Variants in HFM1 observed in about 807,000 individuals in gnomAD.
HFM1 encodes the protein helicase for meiosis 1.
In HFM1, 169 loss-of-function variants were observed where a neutral mutation model predicts 192.1. The ratio of observed to expected loss-of-function variants is 0.88; its 90% confidence interval spans 0.78 to 1.00. HFM1 has a LOEUF of 1.00. Among genes scored for constraint, HFM1 ranks in the 50% least tolerant of loss-of-function variants. The pLI is 0.00. For synonymous variants in HFM1, 525 were observed against 537.8 expected (o/e 0.98, Z 0.33); for missense variants, 1,661 against 1,668.0 (o/e 1.00, Z 0.07).
chr1:91,318,560 C>G (rs1651597362), intron 25 of HFM1, among the ~76,000 whole-genome samples: 1 of 152,010 alleles, frequency 6.6e-6, no homozygotes, highest in Non-Finnish European at 1.5e-5. Context: ...TACACAAGGT[C>G]CCTATAGACA....
intron 32 of HFM1, among the ~76,000 whole-genome samples, chr1:91,276,154 G>A (rs1666786974): frequency 6.6e-6 from 1 of 152,004 alleles, no homozygotes; most frequent in Non-Finnish European, 1.5e-5. Flanking sequence ...GATCATTCTG[G>A]TGCCTGCCCC....
chr1:91,355,467 C>T (rs1410573889), intron 13 of HFM1, among the ~76,000 whole-genome samples: 1 of 151,656 alleles, frequency 6.6e-6, no homozygotes, highest in Non-Finnish European at 1.5e-5. Context: ...TACATGCTGC[C>T]TACCAGAGAT....
intron 30 of HFM1, among the ~76,000 whole-genome samples, chr1:91,283,640 T>C (rs1159733463): frequency 6.6e-6 from 1 of 152,232 alleles, no homozygotes; most frequent in Non-Finnish European, 1.5e-5. Context: ...TTTCATAGTT[T>C]TGCCACATAT....
At chr1:91,345,020 T>C (rs1438761162) in intron 19 of HFM1, among the ~76,000 whole-genome samples, 2 of 152,120 alleles carry the variant, frequency 1.3e-5, no homozygotes, top group Admixed American at 1.3e-4. Flanking sequence ...CCCAAAGGTA[T>C]TACAGGCATG....
At chr1:91,403,525 A>C (rs544754215) in intron 1 of HFM1, among the ~76,000 whole-genome samples, 1 of 152,210 alleles carries the variant, frequency 6.6e-6, no homozygotes, top group Admixed American at 6.5e-5. Context: ...GTTCAGTATG[A>C]GTTTGTGATG....
upstream of HFM1, among the ~76,000 whole-genome samples, chr1:91,405,503 T>A (rs1395649638): frequency 1.3e-5 from 2 of 152,204 alleles, no homozygotes; most frequent in African/African-American, 4.8e-5. Flanking sequence ...AACCCCCACC[T>A]GTGACATCTA....
intron 30 of HFM1, among the ~76,000 whole-genome samples, chr1:91,311,911 C>G (rs1348608232): frequency 2.0e-5 from 3 of 152,116 alleles, no homozygotes; most frequent in Non-Finnish European, 4.4e-5. Flanking sequence ...GTCCTATGTC[C>G]CAGCTGCTCC....
intron 30 of HFM1, among the ~76,000 whole-genome samples, chr1:91,291,437 A>G (rs1668740786): frequency 6.6e-6 from 1 of 152,230 alleles, no homozygotes; most frequent in African/African-American, 2.4e-5. Flanking sequence ...TACGCAAATA[A>G]ACTAGAAAAT....
At chr1:91,296,105 G>A (rs971021185) in intron 30 of HFM1, among the ~76,000 whole-genome samples, 1 of 152,044 alleles carries the variant, frequency 6.6e-6, no homozygotes, top group African/African-American at 2.4e-5. Flanking sequence ...TTTTTTAGTA[G>A]AGATGGGGTT....
At chr1:91,281,498 C>G (rs1667457317) in intron 30 of HFM1, among the ~76,000 whole-genome samples, 1 of 152,130 alleles carries the variant, frequency 6.6e-6, no homozygotes, top group African/African-American at 2.4e-5. Flanking sequence ...TTTGAACTTC[C>G]TTTCATTAAG....
chr1:91,303,057 C>G (rs931313652), intron 30 of HFM1, among the ~76,000 whole-genome samples: 1 of 152,082 alleles, frequency 6.6e-6, no homozygotes, highest in South Asian at 2.1e-4. Context: ...TTAAACTGTA[C>G]AATTCAGTGG....
At chr1:91,322,215 G>A (rs775523301) in intron 23 of HFM1, among the ~76,000 whole-genome samples, 12 of 152,170 alleles carry the variant, frequency 7.9e-5, no homozygotes, top group African/African-American at 2.2e-4. Context: ...TCTTATAGAC[G>A]TAAAGGTATT....
chr1:91,367,069 C>A (rs935111789), intron 13 of HFM1, among the ~76,000 whole-genome samples: 1 of 152,130 alleles, frequency 6.6e-6, no homozygotes, highest in South Asian at 2.1e-4. Flanking sequence ...GAGGGGCACC[C>A]GCCATTGCCG....
Position 91,382,094 on chromosome 1 carries a change from A to G in HFM1, c.803-1112T>C, listed in dbSNP as rs184816345. Among the ~76,000 whole-genome samples the G allele has an allele frequency of 6.3e-4, 96 of 152,264 alleles. 1 individual carries two copies. The highest frequency in any genetic ancestry group is 6.8e-3 in the Middle Eastern group (2 of 294). On this transcript the variant is annotated intron_variant, in intron 6 of 38. Coordinates refer to ENST00000370425, the MANE Select transcript of HFM1 (RefSeq NM_001017975.6). ...CTATACTGAACTCTGCTGTTCTTCAAAAACATCAGCTACGATCCTGCCATG... is the reference window on the plus strand; with the variant it reads ...CTATACTGAACTCTGCTGTTCTTCAGAAACATCAGCTACGATCCTGCCATG...
intron 20 of HFM1, among the ~76,000 whole-genome samples, chr1:91,333,837 A>C (rs1339040824): frequency 6.6e-6 from 1 of 152,198 alleles, no homozygotes; most frequent in African/African-American, 2.4e-5. Context: ...ATACCAAAAA[A>C]TGTAGAAGAC....
chr1:91,304,184 C>T (rs1649276999), intron 30 of HFM1, among the ~76,000 whole-genome samples: 1 of 152,004 alleles, frequency 6.6e-6, no homozygotes, highest in Non-Finnish European at 1.5e-5. Context: ...GGCTATTTGT[C>T]TTTTTACTGT....
At chr1:91,264,534 G>A (rs1478539164) in intron 36 of HFM1, among the ~76,000 whole-genome samples, 3 of 148,866 alleles carry the variant, frequency 2.0e-5, no homozygotes, top group Non-Finnish European at 4.5e-5. Flanking sequence ...CATCACGCCC[G>A]GCTAATTTTT....
chr1:91,287,098 C>T (rs1357672827), intron 30 of HFM1, among the ~76,000 whole-genome samples: 45 of 152,264 alleles, frequency 3.0e-4, no homozygotes, highest in South Asian at 2.5e-3. Context: ...GTGCCCGCCA[C>T]TGCCCAGGAT....
chr1:91,297,186 G>A (rs1039917925), intron 30 of HFM1, among the ~76,000 whole-genome samples: 3 of 152,150 alleles, frequency 2.0e-5, no homozygotes, highest in African/African-American at 2.4e-5. Flanking sequence ...ACAGAGCCTC[G>A]CTCATTGCTA....
Sources: allele counts gnomAD v4.1 joint callset (sites outside exome capture counted in the v4.1 genomes callset), GRCh38; gene constraint gnomAD v4.1.1; transcripts MANE v1.5; gene names NCBI Gene and HGNC (gene_info 2026-07-23, HGNC 2026-07-21).